KLHL29: variants seen among roughly 807,000 people sequenced by gnomAD.
KLHL29 encodes the protein kelch-like protein 29.
A neutral mutation model predicts 80.4 loss-of-function variants in KLHL29; 21 were observed. The ratio of observed to expected loss-of-function variants is 0.26; its 90% confidence interval spans 0.19 to 0.38. KLHL29 has a LOEUF of 0.38. Ranked by LOEUF, KLHL29 falls within the 10% of genes least tolerant of loss-of-function variation. The pLI is 1.00. For synonymous variants in KLHL29, 511 were observed against 526.8 expected, an observed-to-expected ratio of 0.97 and a Z score of 0.41; for missense variants, 867 against 1,223.9, an observed-to-expected ratio of 0.71 and a Z score of 4.35.
At chr2:23,589,249 T>C (rs1165539181) in intron 3 of KLHL29, among the ~76,000 whole-genome samples, 1 of 152,242 alleles carries the variant, frequency 6.6e-6, no homozygotes, top group Non-Finnish European at 1.5e-5. Context: ...ACACTTCCCC[T>C]GGTGAAGGAA....
chr2:23,654,191 C>T (rs1020248271), intron 5 of KLHL29, among the ~76,000 whole-genome samples: 4 of 149,180 alleles, frequency 2.7e-5, no homozygotes, highest in African/African-American at 9.8e-5. Context: ...AAAAAAAAAA[C>T]TAAATCACCC....
intron 2 of KLHL29, among the ~76,000 whole-genome samples, chr2:23,537,531 T>C (rs1012694257): frequency 1.3e-5 from 2 of 151,992 alleles, no homozygotes; most frequent in African/African-American, 4.8e-5. Flanking sequence ...ATGCCCAATA[T>C]TATGTCAGGT....
intron 1 of KLHL29, among the ~76,000 whole-genome samples, chr2:23,468,633 T>C (rs937784367): frequency 2.0e-5 from 3 of 152,106 alleles, no homozygotes; most frequent in African/African-American, 7.2e-5. Context: ...GCTGTCTGTT[T>C]CTCCTGTCCC....
intron 1 of KLHL29, among the ~76,000 whole-genome samples, chr2:23,425,516 T>C (rs1662982489): frequency 6.6e-6 from 1 of 152,160 alleles, no homozygotes; most frequent in Middle Eastern, 3.2e-3. Flanking sequence ...AGTGTTGCCT[T>C]TGAGTTCATC....
chr2:23,623,318 T>C (rs1406061248), intron 3 of KLHL29, among the ~76,000 whole-genome samples: 1 of 152,152 alleles, frequency 6.6e-6, no homozygotes, highest in Admixed American at 6.5e-5. Flanking sequence ...CTGGGAGCCA[T>C]GCACCCAGGT....
intron 3 of KLHL29, among the ~76,000 whole-genome samples, chr2:23,609,507 G>A (rs1209090218): frequency 2.0e-5 from 3 of 152,068 alleles, no homozygotes; most frequent in Admixed American, 6.5e-5. Context: ...GAGAGCAGGT[G>A]TGCTCTTCAG....
chr2:23,387,504 T>TTATTA (rs747568490), intron 1 of KLHL29, among the ~76,000 whole-genome samples: 1 of 117,680 alleles, frequency 8.5e-6, no homozygotes, highest in African/African-American at 2.9e-5. Context: ...TCATTCCTGA[T>TTATTA]TTATTATTAT....
chr2:23,467,269 G>A lies in KLHL29; in HGVS notation c.-153-8291G>A, dbSNP rs562927831. On this transcript the variant is annotated intron_variant, in intron 1 of 13. Transcript: ENST00000486442. ...CAGATGGATCACAGAGCCACAGTGC[G>A]ATCAAGCCACTTACCTACACACATT... Among the ~76,000 whole-genome samples, 155 of 152,332 alleles carry A rather than the reference G, an allele frequency of 1.0e-3. 2 individuals are homozygous for A. In the Middle Eastern group the frequency reaches 0.02, roughly 20 times the overall value.
chr2:23,596,145 G>A lies in KLHL29; in HGVS notation c.285+33664G>A, dbSNP rs1668387874. Among the ~76,000 whole-genome samples, 1 of 152,204 alleles carries A rather than the reference G, an allele frequency of 6.6e-6. No individual in the cohort carries two copies. The highest frequency in any genetic ancestry group is 2.4e-5 in the African/African-American group (1 of 41,450). ...TTTGAACTGAGCCGCATACAATAGAGCACCCTCGGCAGCCAGCCGGACGGG... is the reference window on the plus strand; with the variant it reads ...TTTGAACTGAGCCGCATACAATAGAACACCCTCGGCAGCCAGCCGGACGGG... On this transcript the variant is annotated intron_variant, in intron 3 of 13. Transcript: ENST00000486442. This position sits in a 1 kb window ranked among gnomAD's most constrained non-coding sequence, Gnocchi z 4.4.
At chr2:23,601,882 C>T (rs1364624118) in intron 3 of KLHL29, among the ~76,000 whole-genome samples, 2 of 152,216 alleles carry the variant, frequency 1.3e-5, no homozygotes, top group African/African-American at 4.8e-5. Flanking sequence ...CACACCAAGC[C>T]CTCCGCAGTG....
At chr2:23,423,579 G>A (rs1049146270) in intron 1 of KLHL29, among the ~76,000 whole-genome samples, 2 of 152,210 alleles carry the variant, frequency 1.3e-5, no homozygotes, top group African/African-American at 2.4e-5. Context: ...TCTGGAGTGC[G>A]TCATTCCCCT....
At chr2:23,472,853 T>G (rs923284390) in intron 1 of KLHL29, among the ~76,000 whole-genome samples, 11 of 152,214 alleles carry the variant, frequency 7.2e-5, no homozygotes, top group African/African-American at 2.2e-4. Context: ...TGTATCTGAT[T>G]CCAGGGTCTT....
chr2:23,492,164 C>T (rs1403436552), intron 2 of KLHL29, among the ~76,000 whole-genome samples: 1 of 152,206 alleles, frequency 6.6e-6, no homozygotes, highest in Non-Finnish European at 1.5e-5. Context: ...AGCATACCAC[C>T]CACGATCACA....
intron 2 of KLHL29, among the ~76,000 whole-genome samples, chr2:23,537,450 A>G (rs1186110746): frequency 2.6e-5 from 1 of 38,088 alleles, no homozygotes; most frequent in Non-Finnish European, 5.3e-5. Flanking sequence ...ACACACACAC[A>G]CACACACACA....
intron 2 of KLHL29, among the ~76,000 whole-genome samples, chr2:23,526,025 A>C (rs1333611872): frequency 6.6e-6 from 1 of 152,166 alleles, no homozygotes; most frequent in Non-Finnish European, 1.5e-5. Flanking sequence ...AGAAGCGTGG[A>C]TGTTGGGCCC....
intron 5 of KLHL29, among the ~76,000 whole-genome samples, chr2:23,661,588 G>C (rs1670410114): frequency 6.6e-6 from 1 of 152,218 alleles, no homozygotes; most frequent in Admixed American, 6.5e-5. Flanking sequence ...ATGTAATCCT[G>C]CTCCTGGGAC....
At chr2:23,443,410 T>A (rs1663588172) in intron 1 of KLHL29, among the ~76,000 whole-genome samples, 1 of 152,230 alleles carries the variant, frequency 6.6e-6, no homozygotes, top group African/African-American at 2.4e-5. Context: ...AACAAATTTT[T>A]AGAATTGTTT....
chr2:23,410,421 C>G (rs1269605971), intron 1 of KLHL29, among the ~76,000 whole-genome samples: 2 of 152,014 alleles, frequency 1.3e-5, no homozygotes, highest in African/African-American at 4.8e-5. Context: ...GTGCTGGGCA[C>G]TGGGAACAGT....
chr2:23,525,726 G>GGCCCCCCCC (rs1666286280), intron 2 of KLHL29, among the ~76,000 whole-genome samples: 1 of 62,590 alleles, frequency 1.6e-5, no homozygotes, highest in Admixed American at 1.9e-4. Flanking sequence ...CCCAGCCCCT[G>GGCCCCCCCC]CCCCCCCCCC....
Sources: allele counts gnomAD v4.1 joint callset (sites outside exome capture counted in the v4.1 genomes callset), GRCh38; gene constraint gnomAD v4.1.1; non-coding constraint Gnocchi (gnomAD v3.1); transcripts MANE v1.5; gene names NCBI Gene and HGNC (gene_info 2026-07-23, HGNC 2026-07-21).